The following PCDHGC3 variants were observed in gnomAD, a reference collection of about 807,000 sequenced individuals.
PCDHGC3 encodes the protein protocadherin gamma-C3.
A neutral mutation model predicts 59.2 loss-of-function variants in PCDHGC3; 26 were observed. The ratio of observed to expected loss-of-function variants is 0.44; its 90% CI spans 0.32 to 0.61. PCDHGC3 has a LOEUF of 0.61. Among genes scored for constraint, PCDHGC3 ranks in the 20% least tolerant of loss-of-function variants. The pLI is 0.05. For missense variants in PCDHGC3, 1,080 were observed against 1,221.8 expected (o/e 0.88, Z 1.73); for synonymous variants, 487 against 519.7 (o/e 0.94, Z 0.86).
intron 3 of PCDHGC3, among the ~76,000 whole-genome samples, chr5:141,506,320 G>A (rs1054880362): frequency 8.6e-5 from 13 of 151,966 alleles, no homozygotes; most frequent in South Asian, 8.3e-4. Flanking sequence ...ATGGTGGTGC[G>A]TGCCTGTAGT....
At chr5:141,492,312 C>T (rs1470136040) in intron 1 of PCDHGC3, among the ~76,000 whole-genome samples, 2 of 152,348 alleles carry the variant, frequency 1.3e-5, no homozygotes, top group African/African-American at 4.8e-5. Flanking sequence ...CGCACGCACT[C>T]CTCGCACGTG....
chr5:141,478,678 C>T (rs3805695), intron 1 of PCDHGC3, 132 bp downstream of exon 1: 273,671 of 1,551,084 alleles, frequency 0.18, 26,385 homozygotes, highest in African/African-American at 0.39. Context: ...TTCAACTGGC[C>T]CTTCCTAGAT....
At chr5:141,502,866 C>CTTTTTTTTTTTTTTTT (rs549047197) in intron 2 of PCDHGC3, among the ~76,000 whole-genome samples, 4 of 128,044 alleles carry the variant, frequency 3.1e-5, no homozygotes, top group African/African-American at 3.1e-5. Context: ...GACTCTCTGT[C>CTTTTTTTTTTTTTTTT]TTTTTTTTTT....
intron 2 of PCDHGC3, among the ~76,000 whole-genome samples, chr5:141,497,540 CT>C (rs754207034): frequency 0.18 from 24,498 of 134,808 alleles, 2,020 homozygotes; most frequent in African/African-American, 0.21. Flanking sequence ...TGCAACAAAC[CT>C]TTTTTTTTTT....
intron 3 of PCDHGC3, among the ~76,000 whole-genome samples, chr5:141,509,685 A>G (rs923641083): frequency 6.6e-6 from 1 of 152,166 alleles, no homozygotes. Flanking sequence ...TCTTCTGTAC[A>G]GTGGGACGTT....
At chr5:141,505,505 G>A (rs2099846270) in intron 3 of PCDHGC3, 24 bp downstream of exon 3, 1 of 1,614,132 alleles carries the variant, frequency 6.2e-7, no homozygotes, top group Non-Finnish European at 8.5e-7. Flanking sequence ...GTGTGTGTAT[G>A]GAAGAGTGGG....
chr5:141,510,656 A>C (rs761093897), intron 3 of PCDHGC3, among the ~76,000 whole-genome samples: 4 of 152,304 alleles, frequency 2.6e-5, no homozygotes, highest in Non-Finnish European at 5.9e-5. Flanking sequence ...CCCATTTTGC[A>C]GATGAGAAAA....
At chr5:141,498,632 A>G (rs2099784830) in intron 2 of PCDHGC3, among the ~76,000 whole-genome samples, 1 of 152,118 alleles carries the variant, frequency 6.6e-6, no homozygotes, top group South Asian at 2.1e-4. Context: ...CACTGCCTAG[A>G]CAGAAGGAAG....
intron 2 of PCDHGC3, among the ~76,000 whole-genome samples, chr5:141,500,311 C>T (rs2099799036): frequency 2.0e-5 from 3 of 152,072 alleles, no homozygotes; most frequent in African/African-American, 7.2e-5. Context: ...CAGGTTCACG[C>T]CATGCTCCTG....
chr5:141,505,377 C>G lies in PCDHGC3; in HGVS notation c.2490-16C>G, dbSNP rs1368451336. 1.9e-6 allele frequency: 3 copies of G among 1,614,036 alleles called. No homozygotes were observed. In the East Asian group the frequency reaches 6.7e-5, roughly 36 times the overall value. On this transcript the variant is annotated splice_polypyrimidine_tract_variant and intron_variant, in intron 2 of 3. Coordinates refer to ENST00000308177, the MANE Select transcript of PCDHGC3 (RefSeq NM_002588.4). Reference sequence around the variant, plus strand: ...CGGCCTGGGAGTCTGTGCTCACCATCCTACTCTCTCCCCAGCTCCCAAAAT... The same window carrying G: ...CGGCCTGGGAGTCTGTGCTCACCATGCTACTCTCTCCCCAGCTCCCAAAAT...
In PCDHGC3 at chr5:141,476,229, C is replaced by T; in HGVS notation, c.113C>T (p.Pro38Leu). ...KASTVIHYEI[P>L]EEREKGFAVG... ...TCCACGGTCATTCACTATGAGATCC[C>T]GGAGGAAAGAGAGAAGGGTTTCGCT... The change falls in exon 1 of 4, where the codon CCG becomes CTG. Residue 38 changes from proline (P) to leucine (L), a missense_variant. Pro to Leu is a moderately conservative substitution (Grantham distance 98). Coordinates refer to ENST00000308177, the MANE Select transcript of PCDHGC3 (RefSeq NM_002588.4). The surrounding 1 kb of genome is among the most constrained non-coding windows in gnomAD (Gnocchi z 7.6). 1 of 1,613,872 alleles carries T rather than the reference C, an allele frequency of 6.2e-7. No individual in the cohort carries two copies. The highest frequency in any genetic ancestry group is 2.2e-5 in the East Asian group (1 of 44,822).
At position 141,477,806 on chromosome 5, in the gene PCDHGC3, G is replaced by GC; in HGVS notation, c.1696dup (p.Gln566ProfsTer50). Reference sequence around the variant, plus strand: ...ATTTGTCACTGATCGCAATGACAATGCCCCCCAGGTCCTATATCCTCGGCC... The same window carrying GC: ...ATTTGTCACTGATCGCAATGACAATGCCCCCCCAGGTCCTATATCCTCGGCC... On this transcript the variant is annotated frameshift_variant, in exon 1 of 4. Transcript: ENST00000308177. LOFTEE classifies it high-confidence loss of function. This position sits in a 1 kb window ranked among gnomAD's most constrained non-coding sequence, Gnocchi z 4.9. 1 of 1,614,114 alleles carries GC rather than the reference G, an allele frequency of 6.2e-7. No homozygotes were observed.
In PCDHGC3 at chr5:141,487,406, C is replaced by T; in HGVS notation, c.2431-7401C>T. The T allele has an allele frequency of 6.2e-7, 1 of 1,614,200 alleles. No individual in the cohort carries two copies. The highest frequency in any genetic ancestry group is 8.5e-7 in the Non-Finnish European group (1 of 1,180,044). ...ATCTCGAAGGAGGGAGGGGCTTCCC[C>T]CTTCCAATGGGATCCTCCGAATCCA... On this transcript the variant is annotated intron_variant, in intron 1 of 3. Coordinates refer to ENST00000308177, the MANE Select transcript of PCDHGC3 (RefSeq NM_002588.4). The surrounding 1 kb of genome is among the most constrained non-coding windows in gnomAD (Gnocchi z 5.0).
intron 1 of PCDHGC3, among the ~76,000 whole-genome samples, chr5:141,488,534 A>C (rs1169478867): frequency 1.3e-5 from 2 of 152,292 alleles, no homozygotes; most frequent in East Asian, 3.9e-4. Flanking sequence ...AGAAAAGCTA[A>C]GTCCCATGTC....
chr5:141,496,981 T>A (rs928774783), intron 2 of PCDHGC3, among the ~76,000 whole-genome samples: 1 of 150,304 alleles, frequency 6.7e-6, no homozygotes, highest in African/African-American at 2.5e-5. Context: ...AGGTCAGGGG[T>A]TTGAGACCAG....
chr5:141,478,607 A>T (rs892000536), intron 1 of PCDHGC3, 61 bp downstream of exon 1: 1 of 1,560,800 alleles, frequency 6.4e-7, no homozygotes, highest in Non-Finnish European at 8.7e-7. Context: ...CATCATATTG[A>T]GGAAGGAATG....
intron 2 of PCDHGC3, among the ~76,000 whole-genome samples, chr5:141,502,759 C>T (rs535899844): frequency 9.9e-5 from 15 of 152,130 alleles, no homozygotes; most frequent in African/African-American, 3.6e-4. Context: ...CATGTATTTG[C>T]TGGTATTCTT....
chr5:141,478,826 G>A, intron 1 of PCDHGC3: 2 of 1,439,244 alleles, frequency 1.4e-6, no homozygotes, highest in Non-Finnish European at 1.8e-6. Context: ...AACCAATCTT[G>A]CTAAGGGATG....
chr5:141,486,089 G>T lies in PCDHGC3; in HGVS notation c.2430+7543G>T, dbSNP rs2099624123. On this transcript the variant is annotated intron_variant, in intron 1 of 3. Coordinates refer to ENST00000308177, the MANE Select transcript of PCDHGC3 (RefSeq NM_002588.4). The surrounding 1 kb of genome is among the most constrained non-coding windows in gnomAD (Gnocchi z 5.0). ...CACTACTGGAAAGCTTACTCTTTTG[G>T]GGCCCCTAGACTTTGAGAGTGAGAA... is the stretch of plus-strand genomic sequence containing the variant. 1 of 1,614,084 alleles carries T rather than the reference G, an allele frequency of 6.2e-7. No individual in the cohort carries two copies. The highest frequency in any genetic ancestry group is 8.5e-7 in the Non-Finnish European group (1 of 1,180,014).
Sources: allele counts gnomAD v4.1 joint callset (sites outside exome capture counted in the v4.1 genomes callset), GRCh38; gene constraint gnomAD v4.1.1; non-coding constraint Gnocchi (gnomAD v3.1); transcripts MANE v1.5; gene names NCBI Gene and HGNC (gene_info 2026-07-23, HGNC 2026-07-21).